Variants in RANBP2 observed in about 807,000 individuals in gnomAD.
RANBP2 encodes the protein RAN binding protein 2.
A neutral mutation model predicts 303.6 loss-of-function variants in RANBP2; 57 were observed. The ratio of observed to expected loss-of-function variants is 0.19; its 90% CI spans 0.15 to 0.23. RANBP2 has a LOEUF of 0.23. Among genes scored for constraint, RANBP2 ranks in the 10% least tolerant of loss-of-function variants. RANBP2 has a pLI of 1.00. For synonymous variants in RANBP2, 1,167 were observed against 1,301.5 expected (o/e 0.90, Z 2.23); for missense variants, 3,138 against 3,780.8 (o/e 0.83, Z 4.46).
At chr2:109,104,669 A>C in the RANBP2 span, among the ~76,000 whole-genome samples, 1 of 151,874 alleles carries the variant, frequency 6.6e-6, no homozygotes, top group African/African-American at 2.4e-5. Flanking sequence ...TTTTTAGTAG[A>C]GACGGGGGTT....
At chr2:108,985,858 G>A in the RANBP2 span, among the ~76,000 whole-genome samples, 3 of 152,198 alleles carry the variant, frequency 2.0e-5, no homozygotes, top group South Asian at 6.2e-4. Context: ...AAGGATGAAG[G>A]AGCCCATTCA....
At chr2:108,923,484 C>G in the RANBP2 span, 2 of 1,604,246 alleles carry the variant, frequency 1.2e-6, no homozygotes, top group Non-Finnish European at 1.7e-6. Flanking sequence ...AAAACAGAGA[C>G]AGGTGAGCTG....
the RANBP2 span, among the ~76,000 whole-genome samples, chr2:109,065,902 A>AT: frequency 0.026 from 3,997 of 152,018 alleles, 197 homozygotes; most frequent in African/African-American, 0.09. Flanking sequence ...AGATACTATC[A>AT]TTTTTTTCCA....
the RANBP2 span, among the ~76,000 whole-genome samples, chr2:109,157,982 A>G: frequency 6.6e-6 from 1 of 152,198 alleles, no homozygotes; most frequent in Non-Finnish European, 1.5e-5. Flanking sequence ...CTTACTAGTA[A>G]GTAACCCTCC....
At chr2:109,553,275 C>A in the RANBP2 span, 2 of 1,582,642 alleles carry the variant, frequency 1.3e-6, no homozygotes, top group South Asian at 2.3e-5. Context: ...TCGGGTATGG[C>A]GGCTCACGCC....
At chr2:109,078,798 T>A in the RANBP2 span, among the ~76,000 whole-genome samples, 3 of 144,860 alleles carry the variant, frequency 2.1e-5, no homozygotes, top group Non-Finnish European at 4.5e-5. Flanking sequence ...CTGGCTAACA[T>A]GGTGAAACCC....
At chr2:108,841,887 G>A in the RANBP2 span, among the ~76,000 whole-genome samples, 2 of 151,928 alleles carry the variant, frequency 1.3e-5, no homozygotes, top group African/African-American at 2.4e-5. Flanking sequence ...CCTTTATAGT[G>A]TATTGAGTGT....
chr2:109,571,686 A>C, the RANBP2 span, among the ~76,000 whole-genome samples: 1 of 152,190 alleles, frequency 6.6e-6, no homozygotes, highest in East Asian at 1.9e-4. Flanking sequence ...ATTTTATATA[A>C]GGAATTTCAG....
chr2:109,402,833 T>C, the RANBP2 span, among the ~76,000 whole-genome samples: 1 of 152,192 alleles, frequency 6.6e-6, no homozygotes. Context: ...GAGCATGGTA[T>C]CGTCCCTGGT....
At chr2:109,545,264 A>G in the RANBP2 span, 1 of 1,389,730 alleles carries the variant, frequency 7.2e-7, no homozygotes, top group Non-Finnish European at 9.3e-7. Context: ...CAAATAGTTA[A>G]ACCGACAGGG....
chr2:109,553,082 C>T, the RANBP2 span: 15 of 1,611,398 alleles, frequency 9.3e-6, no homozygotes, highest in Non-Finnish European at 1.3e-5. Context: ...AACCAGCATA[C>T]TTGCCTCTCT....
At chr2:109,183,032 A>G in the RANBP2 span, among the ~76,000 whole-genome samples, 1 of 152,168 alleles carries the variant, frequency 6.6e-6, no homozygotes, top group Admixed American at 6.5e-5. Flanking sequence ...GTGTCGTGAG[A>G]TGTATTTTCT....
chr2:109,612,252 G>A, the RANBP2 span, among the ~76,000 whole-genome samples: 1 of 152,130 alleles, frequency 6.6e-6, no homozygotes, highest in Non-Finnish European at 1.5e-5. Context: ...GTCTTGGAAT[G>A]ACAAAATTAT....
chr2:109,149,530 G>A, the RANBP2 span, among the ~76,000 whole-genome samples: 1 of 152,174 alleles, frequency 6.6e-6, no homozygotes, highest in Non-Finnish European at 1.5e-5. Flanking sequence ...GGACCCAAGG[G>A]GAATTCGCTT....
the RANBP2 span, among the ~76,000 whole-genome samples, chr2:109,540,960 T>C: frequency 6.6e-6 from 1 of 152,232 alleles, no homozygotes. Flanking sequence ...TCTAAAAAAA[T>C]TGAGCATGTA....
At chr2:108,880,025 G>A in the RANBP2 span, among the ~76,000 whole-genome samples, 1 of 152,118 alleles carries the variant, frequency 6.6e-6, no homozygotes, top group Admixed American at 6.6e-5. Context: ...TGGTGGCAAA[G>A]TAAAACAGTT....
chr2:109,565,717 A>T, the RANBP2 span: 2 of 1,478,650 alleles, frequency 1.4e-6, no homozygotes, highest in Non-Finnish European at 1.9e-6. Flanking sequence ...TAGCTTTGAG[A>T]TTACTAGATA....
the RANBP2 span, among the ~76,000 whole-genome samples, chr2:109,150,855 A>G: frequency 6.6e-6 from 1 of 152,194 alleles, no homozygotes; most frequent in Non-Finnish European, 1.5e-5. Context: ...TTACCATACT[A>G]TAAATGTGAA....
At chr2:108,760,910 A>C (rs139263395) in intron 18 of RANBP2, among the ~76,000 whole-genome samples, 1,933 of 152,228 alleles carry the variant, frequency 0.013, 51 homozygotes, top group African/African-American at 0.045. Context: ...AGTTTGCCCA[A>C]TGCAACCTCA....
Sources: gnomAD v4.1 joint callset for allele counts (sites outside exome capture counted in the v4.1 genomes callset) on GRCh38, gnomAD v4.1.1 for gene constraint, MANE v1.5 for transcripts, NCBI Gene and HGNC (gene_info 2026-07-23, HGNC 2026-07-21) for gene names.